The following DMD variants were observed in gnomAD, a reference collection of about 807,000 sequenced individuals.
DMD encodes the protein mutant dystrophin.
In DMD, 63 loss-of-function variants were observed where a neutral mutation model predicts 330.1. The observed-to-expected ratio is 0.19, with a 90% confidence interval of 0.16 to 0.24. The LOEUF is 0.24. Among genes scored for constraint, DMD ranks in the 10% least tolerant of loss-of-function variants. The pLI, the probability that DMD is intolerant of heterozygous loss-of-function variation, is 1.00. For synonymous variants in DMD, 1,223 were observed against 959.8 expected, an observed-to-expected ratio of 1.27 and a Z score of -5.07; for missense variants, 3,344 against 2,684.1, an observed-to-expected ratio of 1.25 and a Z score of -5.43.
chrX:33,185,718 T>C (rs2050226399), intron 1 of DMD, among the ~76,000 whole-genome samples: 1 of 111,775 alleles, frequency 8.9e-6, no homozygotes, highest in African/African-American at 3.2e-5. Flanking sequence ...CCCTCCAATT[T>C]TGATCCTATT....
At chrX:32,563,410 T>A (rs975101191) in intron 16 of DMD, among the ~76,000 whole-genome samples, 2 of 107,182 alleles carry the variant, frequency 1.9e-5, no homozygotes, top group African/African-American at 6.8e-5. Context: ...CTGAACTACA[T>A]GACTTACATA....
At chrX:32,889,009 T>C (rs1008257194) in intron 2 of DMD, among the ~76,000 whole-genome samples, 13 of 110,094 alleles carry the variant, frequency 1.2e-4, no homozygotes, top group Admixed American at 7.8e-4. Flanking sequence ...GGATGGAGAA[T>C]GTAAAGTAGA....
intron 57 of DMD, among the ~76,000 whole-genome samples, chrX:31,482,235 GT>G (rs200485595): frequency 0.042 from 3,805 of 91,455 alleles, 139 homozygotes; most frequent in African/African-American, 0.084. Context: ...GTGTGTGTGT[GT>G]GGGGGGGGTG....
In DMD at chrX:33,211,387, CT is replaced by C. The variant is rs1351156825; in HGVS notation, c.-76del. The stretch of plus-strand genomic sequence containing the variant: ...CTTCAAACTTTATTGCTCCAGTAGG[CT>C]TAAAAACAATGAGAAACCAACAAAC... On this transcript the variant is annotated 5_prime_UTR_variant, in exon 1 of 79. Coordinates refer to ENST00000357033, the MANE Select transcript of DMD (RefSeq NM_004006.3). 3 of 1,181,049 alleles carry C rather than the reference CT, an allele frequency of 2.5e-6. No individual in the cohort carries two copies. The highest frequency in any genetic ancestry group is 3.4e-6 in the Non-Finnish European group (3 of 879,726).
intron 74 of DMD, among the ~76,000 whole-genome samples, chrX:31,147,981 C>T (rs1288777841): frequency 1.8e-5 from 2 of 111,559 alleles, no homozygotes; most frequent in Admixed American, 9.5e-5. Context: ...ATCACCTCCC[C>T]TTGATAAGTT....
At chrX:32,331,222 A>G (rs948101082) in intron 41 of DMD, among the ~76,000 whole-genome samples, 1 of 111,926 alleles carries the variant, frequency 8.9e-6, no homozygotes, top group African/African-American at 3.2e-5. Context: ...AGGGAATGGA[A>G]GGAATATGGG....
At position 31,760,942 on chromosome X, in the gene DMD, A is replaced by ATTT. The variant is rs35766737; in HGVS notation, c.7542+13015_7542+13017dup. On this transcript the variant is annotated intron_variant, in intron 51 of 78. Coordinates refer to ENST00000357033, the MANE Select transcript of DMD (RefSeq NM_004006.3). ...CTCATATGACTGAAACCTAGTTAGT[A>ATTT]TTTTTTTTTTTTTTTTTTTTGAGAT... 7.5e-4 allele frequency among the ~76,000 whole-genome samples: 61 copies of ATTT among 80,864 alleles called. 1 individual carries two copies. The highest frequency in any genetic ancestry group is 9.1e-4 in the Non-Finnish European group (39 of 43,091). The allele number at this position is 80,864 out of a possible 115,157, so 70.2% of individuals were successfully genotyped here.
intron 1 of DMD, among the ~76,000 whole-genome samples, chrX:33,064,336 G>GA (rs1173801841): frequency 5.4e-4 from 58 of 106,714 alleles, no homozygotes; most frequent in African/African-American, 1.5e-3. Flanking sequence ...TTTCTAAAAG[G>GA]AAAAAAAAAC....
intron 41 of DMD, among the ~76,000 whole-genome samples, chrX:32,319,914 A>AT (rs2097602899): frequency 9.0e-6 from 1 of 110,513 alleles, no homozygotes; most frequent in African/African-American, 3.3e-5. Flanking sequence ...TCTAGTATAT[A>AT]TTTTTTATTT....
chrX:31,951,141 G>GTA (rs1557025416), intron 45 of DMD, among the ~76,000 whole-genome samples: 81 of 72,782 alleles, frequency 1.1e-3, no homozygotes, highest in Non-Finnish European at 1.1e-3. Flanking sequence ...ATATATATAT[G>GTA]TGTATATATA....
chrX:32,381,927 G>A (rs967092748), intron 33 of DMD, among the ~76,000 whole-genome samples: 8 of 110,897 alleles, frequency 7.2e-5, no homozygotes, highest in Non-Finnish European at 1.5e-4. Flanking sequence ...CTCGACTTGA[G>A]TATGATTTTT....
intron 16 of DMD, among the ~76,000 whole-genome samples, chrX:32,560,529 C>T (rs1411868575): frequency 1.8e-5 from 2 of 109,982 alleles, no homozygotes; most frequent in East Asian, 2.8e-4. Flanking sequence ...TATGGTGCAC[C>T]TACAGACCCA....
At chrX:33,320,431 A>T (rs1176030863) in intron 1 of DMD, among the ~76,000 whole-genome samples, 2 of 112,355 alleles carry the variant, frequency 1.8e-5, no homozygotes, top group Non-Finnish European at 3.8e-5. Flanking sequence ...CCCAGTGTAT[A>T]TAAAAGTTAT....
At chrX:32,708,400 G>A (rs1189251430) in intron 7 of DMD, among the ~76,000 whole-genome samples, 1 of 110,131 alleles carries the variant, frequency 9.1e-6, no homozygotes, top group Non-Finnish European at 1.9e-5. Flanking sequence ...TAATAGGTAA[G>A]GGACTGTGGT....
intron 2 of DMD, among the ~76,000 whole-genome samples, chrX:32,997,472 C>G: frequency 8.9e-6 from 1 of 111,875 alleles, no homozygotes. Flanking sequence ...TCTCGAACTC[C>G]TGACCTCGTG....
chrX:31,353,681 C>T (rs1602097863), intron 60 of DMD, among the ~76,000 whole-genome samples: 1 of 111,534 alleles, frequency 9.0e-6, no homozygotes, highest in East Asian at 2.8e-4. Context: ...TCATTTGGAA[C>T]ATAATGAATT....
chrX:32,133,400 T>G (rs1162261644), intron 44 of DMD, among the ~76,000 whole-genome samples: 1 of 111,471 alleles, frequency 9.0e-6, no homozygotes, highest in Non-Finnish European at 1.9e-5. Context: ...TCTATCTATA[T>G]TCTTCCTTAG....
chrX:32,738,817 G>A (rs1400239799), intron 7 of DMD, among the ~76,000 whole-genome samples: 2 of 111,601 alleles, frequency 1.8e-5, no homozygotes, highest in Non-Finnish European at 3.8e-5. Flanking sequence ...CTAGGAAGCT[G>A]TCCCAAATTC....
At chrX:31,495,249 C>A (rs937702952) in intron 57 of DMD, among the ~76,000 whole-genome samples, 1 of 109,809 alleles carries the variant, frequency 9.1e-6, no homozygotes. Context: ...AACCCTTGAC[C>A]TTTCCTCAAG....
Sources: allele counts gnomAD v4.1 joint callset (sites outside exome capture counted in the v4.1 genomes callset), GRCh38; gene constraint gnomAD v4.1.1; transcripts MANE v1.5; gene names NCBI Gene and HGNC (gene_info 2026-07-23, HGNC 2026-07-21).